The following UBL3 variants were observed in gnomAD, a reference collection of about 807,000 sequenced individuals.
The protein encoded by UBL3 is ubiquitin-like protein 3.
In UBL3, 6 loss-of-function variants were observed where a neutral mutation model predicts 18.4. That is an observed-to-expected ratio of 0.33 (90% CI 0.18 to 0.64). The LOEUF (loss-of-function observed/expected upper bound fraction) is 0.64, where lower values mean the gene tolerates loss of function less well. UBL3 is among the 30% of genes least tolerant of loss of function. UBL3 has a pLI of 0.76. For synonymous variants in UBL3, 49 were observed against 46.6 expected, an observed-to-expected ratio of 1.05 and a Z score of -0.21; for missense variants, 109 against 142.9, an observed-to-expected ratio of 0.76 and a Z score of 1.21.
intron 1 of UBL3, among the ~76,000 whole-genome samples, chr13:29,830,134 A>C (rs1878737011): frequency 6.6e-6 from 1 of 152,204 alleles, no homozygotes; most frequent in Non-Finnish European, 1.5e-5. Flanking sequence ...TTACAGTTTC[A>C]GAGTAGACTG....
chr13:29,840,563 A>AC (rs1879071856), intron 1 of UBL3, among the ~76,000 whole-genome samples: 1 of 31,330 alleles, frequency 3.2e-5, no homozygotes, highest in East Asian at 2.8e-3. Flanking sequence ...AACAAAAAAA[A>AC]ACTCAATGAA....
At chr13:29,769,961 A>G (rs1876796624) in intron 3 of UBL3, among the ~76,000 whole-genome samples, 1 of 152,030 alleles carries the variant, frequency 6.6e-6, no homozygotes, top group Non-Finnish European at 1.5e-5. Flanking sequence ...TACCTATAAC[A>G]AGATCTCACT....
chr13:29,819,729 CA>C (rs1375039102), intron 1 of UBL3, among the ~76,000 whole-genome samples: 1 of 152,068 alleles, frequency 6.6e-6, no homozygotes, highest in Non-Finnish European at 1.5e-5. Flanking sequence ...AGAAGAGAAC[CA>C]TATTTCCAAG....
intron 1 of UBL3, among the ~76,000 whole-genome samples, chr13:29,833,560 A>G (rs776009301): frequency 6.6e-5 from 10 of 152,186 alleles, no homozygotes; most frequent in Non-Finnish European, 7.3e-5. Context: ...TGCCTACAAT[A>G]TAATTCCCTA....
rs7986022 is a variant in UBL3, at chr13:29,765,322, C to G, written c.*1933G>C. The G allele has an allele frequency of 1.3e-3, 201 of 152,228 alleles. 1 individual carries two copies. Among genetic ancestry groups the G allele is most frequent in the African/African-American group, 4.7e-3 (194 of 41,560 alleles). 9.4% of individuals were successfully genotyped at this position (152,228 alleles called of 1,614,324 possible). On this transcript the variant is annotated 3_prime_UTR_variant, in exon 5 of 5. Transcript: ENST00000380680. ...CAACTACCAGATTCTTTAGTCAACA[C>G]TAACAGAATTCACATTTCAGCTAGT...
chr13:29,835,673 C>T (rs555516340), intron 1 of UBL3, among the ~76,000 whole-genome samples: 4 of 145,394 alleles, frequency 2.8e-5, no homozygotes, highest in South Asian at 2.2e-4. Flanking sequence ...GAGAATCACT[C>T]GAACCTGGGA....
At chr13:29,777,588 T>C (rs542085688) in intron 1 of UBL3, 23 of 369,434 alleles carry the variant, frequency 6.2e-5, no homozygotes, top group African/African-American at 4.4e-4. Context: ...ACTATTATTA[T>C]AGAATATACA....
At chr13:29,810,692 T>A (rs530558722) in intron 1 of UBL3, among the ~76,000 whole-genome samples, 41 of 152,204 alleles carry the variant, frequency 2.7e-4, no homozygotes, top group African/African-American at 9.4e-4. Flanking sequence ...AGTGTAACAG[T>A]GAGTTTTCTA....
intron 1 of UBL3, among the ~76,000 whole-genome samples, chr13:29,841,376 T>C (rs948439021): frequency 3.9e-5 from 6 of 152,158 alleles, no homozygotes; most frequent in African/African-American, 1.2e-4. Context: ...TTGTTACATA[T>C]ATATATAAAG....
At chr13:29,805,371 A>G (rs1246149734) in intron 1 of UBL3, among the ~76,000 whole-genome samples, 1 of 152,162 alleles carries the variant, frequency 6.6e-6, no homozygotes, top group Non-Finnish European at 1.5e-5. Flanking sequence ...CTTGAGGGCA[A>G]GGTAGATTCA....
At chr13:29,807,006 T>C (rs962181703) in intron 1 of UBL3, among the ~76,000 whole-genome samples, 2 of 152,212 alleles carry the variant, frequency 1.3e-5, no homozygotes, top group Non-Finnish European at 2.9e-5. Flanking sequence ...TATTCTAATA[T>C]GTAGTGTACT....
intron 2 of UBL3, among the ~76,000 whole-genome samples, 167 bp downstream of exon 2, chr13:29,776,988 T>C (rs1877015602): frequency 6.6e-6 from 1 of 151,890 alleles, no homozygotes; most frequent in Non-Finnish European, 1.5e-5. Flanking sequence ...ATGAGACTGC[T>C]GAAGAGCAAG....
chr13:29,835,127 T>TATAAATATAA (rs1878909845), intron 1 of UBL3, among the ~76,000 whole-genome samples: 3 of 3,324 alleles, frequency 9.0e-4, no homozygotes, highest in Admixed American at 3.8e-3. Flanking sequence ...TATATATAAA[T>TATAAATATAA]ATATATATAT....
chr13:29,788,042 T>C (rs1329629851), intron 1 of UBL3, among the ~76,000 whole-genome samples: 1 of 152,198 alleles, frequency 6.6e-6, no homozygotes, highest in Non-Finnish European at 1.5e-5. Context: ...TTAACCAGTA[T>C]TTACTGAAGA....
chr13:29,818,112 C>A (rs768503082), intron 1 of UBL3, among the ~76,000 whole-genome samples: 1 of 152,132 alleles, frequency 6.6e-6, no homozygotes, highest in Non-Finnish European at 1.5e-5. Context: ...ACACCAGAAT[C>A]AGCTCTGCAT....
At chr13:29,767,750 C>G in intron 3 of UBL3, 55 bp from the exon 4 acceptor site, 1 of 1,490,414 alleles carries the variant, frequency 6.7e-7, no homozygotes, top group South Asian at 1.2e-5. Context: ...ATTAAAATCA[C>G]TATCCAGATT....
At chr13:29,829,964 G>C (rs550921543) in intron 1 of UBL3, among the ~76,000 whole-genome samples, 2 of 152,326 alleles carry the variant, frequency 1.3e-5, no homozygotes, top group East Asian at 1.9e-4. Context: ...TTTTCAAACA[G>C]AGCGAAAGTG....
At position 29,767,512 on chromosome 13, in the gene UBL3, A is replaced by G. The variant is rs1876721861; in HGVS notation, c.301+106T>C. 6.9e-6 allele frequency: 9 copies of G among 1,296,330 alleles called. No individual in the cohort carries two copies. The South Asian group carries it at 9.5e-5, about 14-fold the overall frequency. 80.3% of individuals were successfully genotyped at this position (1,296,330 alleles called of 1,614,324 possible). On this transcript the variant is annotated intron_variant, in intron 4 of 4. Coordinates refer to ENST00000380680, the MANE Select transcript of UBL3 (RefSeq NM_007106.4). ...TATTTGCTTGACAATCTCTATTCAT[A>G]AACTATGCAAACTTCCCTTCCCTCA... is the stretch of plus-strand genomic sequence containing the variant.
chr13:29,778,743 T>C (rs980079380), intron 1 of UBL3, among the ~76,000 whole-genome samples: 1 of 152,218 alleles, frequency 6.6e-6, no homozygotes, highest in African/African-American at 2.4e-5. Context: ...ACCTCACCAA[T>C]TTGATAATTT....
Sources: allele counts gnomAD v4.1 joint callset (sites outside exome capture counted in the v4.1 genomes callset), GRCh38; gene constraint gnomAD v4.1.1; transcripts MANE v1.5; gene names NCBI Gene and HGNC (gene_info 2026-07-23, HGNC 2026-07-21).